Variants in SLC22A4 observed in about 807,000 individuals in gnomAD.
The protein encoded by SLC22A4 is solute carrier family 22 member 4, also known as ET transporter.
A neutral mutation model predicts 56.6 loss-of-function variants in SLC22A4; 39 were observed. That is an observed-to-expected ratio of 0.69 (90% CI 0.53 to 0.90). The LOEUF (loss-of-function observed/expected upper bound fraction) is 0.90. Among genes scored for constraint, SLC22A4 ranks in the 40% least tolerant of loss-of-function variants. The probability of loss-of-function intolerance (pLI) is 0.00; values close to 1 mark genes in which losing one functional copy is unlikely to be tolerated. For missense variants in SLC22A4, 594 were observed against 696.5 expected (o/e 0.85, Z 1.66); for synonymous variants, 241 against 281.4 (o/e 0.86, Z 1.44).
At chr5:132,334,444 A>G (rs896053599) in intron 6 of SLC22A4, among the ~76,000 whole-genome samples, 2 of 152,244 alleles carry the variant, frequency 1.3e-5, no homozygotes. Context: ...GCACTGTCCA[A>G]TAGAACTTTC....
intron 3 of SLC22A4, among the ~76,000 whole-genome samples, chr5:132,320,532 C>T (rs1750501413): frequency 6.6e-6 from 1 of 152,182 alleles, no homozygotes; most frequent in African/African-American, 2.4e-5. Context: ...CTGAGCAATG[C>T]TCTGGGTGGT....
intron 1 of SLC22A4, among the ~76,000 whole-genome samples, chr5:132,299,124 C>T (rs529134886): frequency 2.0e-5 from 3 of 152,342 alleles, no homozygotes; most frequent in Admixed American, 2.0e-4. Flanking sequence ...ATGGGCATAT[C>T]TTTGGGGACA....
intron 2 of SLC22A4, among the ~76,000 whole-genome samples, chr5:132,313,024 A>C (rs1372620826): frequency 6.6e-6 from 1 of 152,256 alleles, no homozygotes; most frequent in Non-Finnish European, 1.5e-5. Flanking sequence ...TGTCACCAAC[A>C]GACATTGCTG....
intron 7 of SLC22A4, among the ~76,000 whole-genome samples, 161 bp from the exon 8 acceptor site, chr5:132,335,657 A>G (rs1278265813): frequency 2.0e-5 from 3 of 152,266 alleles, no homozygotes; most frequent in South Asian, 4.1e-4. Flanking sequence ...ATCTTTGTCC[A>G]TGCCCAAATA....
intron 5 of SLC22A4, among the ~76,000 whole-genome samples, chr5:132,330,621 G>A (rs1326490426): frequency 1.3e-5 from 2 of 152,126 alleles, no homozygotes; most frequent in Non-Finnish European, 2.9e-5. Flanking sequence ...AGCTACTCAG[G>A]AGGCTGAGGC....
chr5:132,334,126 A>G (rs1287463755), intron 6 of SLC22A4, among the ~76,000 whole-genome samples: 3 of 152,176 alleles, frequency 2.0e-5, no homozygotes, highest in African/African-American at 4.8e-5. Context: ...AAGCTTCTAC[A>G]TGGAAGTTAA....
chr5:132,324,241 A>AG (rs1561542792), intron 4 of SLC22A4, among the ~76,000 whole-genome samples: 8 of 150,816 alleles, frequency 5.3e-5, no homozygotes, highest in African/African-American at 1.9e-4. Flanking sequence ...ATCAGAGAGA[A>AG]AGAGAGAGAG....
intron 8 of SLC22A4, among the ~76,000 whole-genome samples, chr5:132,339,044 A>C (rs1751116871): frequency 6.6e-6 from 1 of 152,238 alleles, no homozygotes; most frequent in Admixed American, 6.5e-5. Flanking sequence ...AGAAATTATA[A>C]AAGTATTAAT....
intron 1 of SLC22A4, among the ~76,000 whole-genome samples, chr5:132,308,173 C>T (rs1750084804): frequency 6.6e-6 from 1 of 152,064 alleles, no homozygotes; most frequent in African/African-American, 2.4e-5. Context: ...AGCCAAAGAG[C>T]AAGGGTGAAG....
intron 6 of SLC22A4, 39 bp downstream of exon 6, chr5:132,331,889 C>T: frequency 8.2e-7 from 1 of 1,224,938 alleles, no homozygotes; most frequent in Admixed American, 1.7e-5. Context: ...ATATCCAGCA[C>T]ATAAGTATGC....
chr5:132,334,784 C>G lies in SLC22A4; in HGVS notation c.1113C>G (p.Tyr371Ter). 1 of 1,614,062 alleles carries G rather than the reference C, an allele frequency of 6.2e-7. No homozygotes were observed. Residue 371 changes from tyrosine to a stop codon, truncating the protein, a stop_gained, in exon 7 of 10, where the codon TAC becomes TAG. Coordinates refer to ENST00000200652, the MANE Select transcript of SLC22A4 (RefSeq NM_003059.3). LOFTEE classifies it high-confidence loss of function. The stretch of plus-strand genomic sequence containing the variant: ...CTCCTAATTTACATGGAGATGCCTA[C>G]CTGAACTGTTTCCTCTCTGCCTTGA... ...LDAPNLHGDA[Y>*]LNCFLSALIE...
intron 5 of SLC22A4, 80 bp downstream of exon 5, chr5:132,327,483 T>A: frequency 8.1e-7 from 1 of 1,231,304 alleles, no homozygotes; most frequent in Middle Eastern, 2.0e-4. Flanking sequence ...TCAATATTTG[T>A]TAAGTGCCCA....
At chr5:132,316,537 A>C (rs1750362548) in intron 3 of SLC22A4, among the ~76,000 whole-genome samples, 1 of 152,186 alleles carries the variant, frequency 6.6e-6, no homozygotes, top group Admixed American at 6.5e-5. Context: ...TAAACACAAA[A>C]AGTGTTTCTG....
At chr5:132,339,467 T>C (rs1218443159) in intron 8 of SLC22A4, among the ~76,000 whole-genome samples, 1 of 71,748 alleles carries the variant, frequency 1.4e-5, no homozygotes, top group Non-Finnish European at 2.8e-5. Flanking sequence ...TACCTACTGG[T>C]ACACACGTAC....
In SLC22A4 at chr5:132,322,287, C is replaced by A. The variant is rs1750567022; in HGVS notation, c.756C>A (p.Phe252Leu). ...GYMLLPLFAYFIRDWRMLLLA... is the reference protein window; with the variant it reads ...GYMLLPLFAYLIRDWRMLLLA... ...TGCTGCTGCCACTGTTTGCTTACTT[C>A]ATCAGAGACTGGCGGATGCTGCTGC... Residue 252 changes from phenylalanine to leucine, a missense_variant, in exon 4 of 10, where the codon TTC becomes TTA. Transcript: ENST00000200652. The A allele has an allele frequency of 1.2e-6, 2 of 1,614,100 alleles. No homozygotes were observed. Among genetic ancestry groups the A allele is most frequent in the East Asian group, 4.5e-5 (2 of 44,880 alleles).
chr5:132,342,967 T>C (rs971504645), intron 9 of SLC22A4, among the ~76,000 whole-genome samples: 11 of 152,196 alleles, frequency 7.2e-5, no homozygotes, highest in African/African-American at 2.7e-4. Flanking sequence ...CCCCAGAGGT[T>C]CCAGGCTTCT....
chr5:132,302,921 A>G (rs1749938117), intron 1 of SLC22A4, among the ~76,000 whole-genome samples: 2 of 152,244 alleles, frequency 1.3e-5, no homozygotes, highest in Admixed American at 6.5e-5. Flanking sequence ...TCTAATATAA[A>G]GAAAGAAAGA....
chr5:132,303,454 A>G (rs1749952348), intron 1 of SLC22A4, among the ~76,000 whole-genome samples: 1 of 152,188 alleles, frequency 6.6e-6, no homozygotes, highest in African/African-American at 2.4e-5. Context: ...CAGCACAAGA[A>G]AAATGGAAGT....
intron 5 of SLC22A4, among the ~76,000 whole-genome samples, chr5:132,328,699 T>TAA (rs1750755083): frequency 6.6e-6 from 1 of 152,192 alleles, no homozygotes; most frequent in Admixed American, 6.5e-5. Context: ...CTGTGAAACT[T>TAA]AGAGTCTAGT....
Sources: allele counts gnomAD v4.1 joint callset (sites outside exome capture counted in the v4.1 genomes callset), GRCh38; gene constraint gnomAD v4.1.1; transcripts MANE v1.5; gene names NCBI Gene and HGNC (gene_info 2026-07-23, HGNC 2026-07-21).